SLC35F2: variants seen among roughly 807,000 people sequenced by gnomAD.
SLC35F2 encodes solute carrier family 35 member F2.
Under a neutral mutation model 38.1 loss-of-function variants are expected in SLC35F2, and 25 were observed. The ratio of observed to expected loss-of-function variants is 0.66; its 90% CI spans 0.48 to 0.92. The LOEUF (loss-of-function observed/expected upper bound fraction) is 0.92. Among genes scored for constraint, SLC35F2 ranks in the 40% least tolerant of loss-of-function variants. SLC35F2 has a pLI of 0.00. For synonymous variants in SLC35F2, 173 were observed against 181.7 expected (o/e 0.95, Z 0.38); for missense variants, 409 against 452.9 (o/e 0.90, Z 0.88).
At chr11:107,817,987 G>A (rs1360818899) in intron 1 of SLC35F2, among the ~76,000 whole-genome samples, 1 of 150,510 alleles carries the variant, frequency 6.6e-6, no homozygotes, top group Non-Finnish European at 1.5e-5. Flanking sequence ...AACCCGGGAG[G>A]CGGAGTTTGC....
intron 1 of SLC35F2, among the ~76,000 whole-genome samples, chr11:107,825,377 T>C (rs1314838175): frequency 1.4e-5 from 2 of 146,716 alleles, no homozygotes; most frequent in Non-Finnish European, 3.0e-5. Flanking sequence ...TTTTTTTTTT[T>C]TCTTTTTTTT....
intron 1 of SLC35F2, among the ~76,000 whole-genome samples, chr11:107,827,801 T>A (rs1280717700): frequency 1.3e-5 from 2 of 148,716 alleles, no homozygotes; most frequent in Non-Finnish European, 3.0e-5. Flanking sequence ...ATCCCAACTA[T>A]CCAGGAAGCT....
Position 107,791,328 on chromosome 11 carries a change from T to C in SLC35F2, c.*1287A>G, listed in dbSNP as rs1859127451. 6.6e-6 allele frequency: 1 copy of C among 152,256 alleles called. No individual in the cohort carries two copies. The highest frequency in any genetic ancestry group is 1.5e-5 in the Non-Finnish European group (1 of 68,042). 9.4% of individuals were successfully genotyped at this position (152,256 alleles called of 1,614,324 possible). On this transcript the variant is annotated 3_prime_UTR_variant, in exon 8 of 8. Coordinates refer to ENST00000525815, the MANE Select transcript of SLC35F2 (RefSeq NM_017515.5). ...TTATAAAAACAAAGCTTTTTCTTTG[T>C]TGTGATACTGTGCACTAAGACTTAG...
intron 1 of SLC35F2, among the ~76,000 whole-genome samples, chr11:107,857,198 C>T (rs994078742): frequency 1.9e-5 from 2 of 106,652 alleles, no homozygotes; most frequent in Non-Finnish European, 3.5e-5. Flanking sequence ...CGGACGGACA[C>T]GGACGGAAGG....
chr11:107,848,299 G>A lies in SLC35F2; in HGVS notation c.110+10359C>T, dbSNP rs115153779. On this transcript the variant is annotated intron_variant, in intron 1 of 7. Transcript: ENST00000525815. ...AAAAAGGAGAGAAGGGTGAGGAGAG[G>A]AGGAGGGGCAGCAGTTTGAGCTCTA... 4.0e-3 allele frequency among the ~76,000 whole-genome samples: 609 copies of A among 152,278 alleles called. 1 individual carries two copies. Among genetic ancestry groups the A allele is most frequent in the African/African-American group, 0.014 (595 of 41,552 alleles).
chr11:107,815,319 G>A (rs1859551198), intron 2 of SLC35F2, among the ~76,000 whole-genome samples: 1 of 151,460 alleles, frequency 6.6e-6, no homozygotes, highest in East Asian at 1.9e-4. Flanking sequence ...GGAGGCTGAG[G>A]TGGGCAGATC....
At chr11:107,797,000 CATTT>C (rs1859228561) in intron 7 of SLC35F2, among the ~76,000 whole-genome samples, 1 of 152,082 alleles carries the variant, frequency 6.6e-6, no homozygotes, top group Non-Finnish European at 1.5e-5. Context: ...TGGGTACAAA[CATTT>C]AGTTAGATAG....
At chr11:107,817,772 C>A (rs192612436) in intron 1 of SLC35F2, among the ~76,000 whole-genome samples, 1 of 151,980 alleles carries the variant, frequency 6.6e-6, no homozygotes, top group Non-Finnish European at 1.5e-5. Flanking sequence ...AAAAAATAAA[C>A]AATTTGCCAG....
chr11:107,834,705 G>A lies in SLC35F2; in HGVS notation c.111-18740C>T, dbSNP rs370023129. On this transcript the variant is annotated intron_variant, in intron 1 of 7. Transcript: ENST00000525815. The stretch of plus-strand genomic sequence containing the variant: ...AAACACAGGCTAGATTTCCACAGCC[G>A]TAAAAATACAGGCTAATGCGATTTC... 3.3e-3 allele frequency among the ~76,000 whole-genome samples: 506 copies of A among 152,170 alleles called. 2 individuals carry two copies. Among genetic ancestry groups the A allele is most frequent in the African/African-American group, 0.012 (483 of 41,518 alleles).
chr11:107,817,125 C>A lies in SLC35F2; in HGVS notation c.111-1160G>T, dbSNP rs573224039. On this transcript the variant is annotated intron_variant, in intron 1 of 7. Transcript: ENST00000525815. ...ACCGCGTCTCTACTAAAACTACAAA[C>A]ATTAGCGGGGTGTGGTGGCAGGCGC... 3.3e-5 allele frequency among the ~76,000 whole-genome samples: 5 copies of A among 151,740 alleles called. No homozygotes were observed. In the East Asian group the frequency reaches 9.7e-4, roughly 29 times the overall value.
At chr11:107,846,246 G>GA (rs947462910) in intron 1 of SLC35F2, among the ~76,000 whole-genome samples, 17 of 151,670 alleles carry the variant, frequency 1.1e-4, no homozygotes, top group African/African-American at 4.1e-4. Flanking sequence ...CAACCTGGGA[G>GA]AAAAAAGGCT....
intron 1 of SLC35F2, chr11:107,821,729 C>T: frequency 1.6e-6 from 1 of 629,196 alleles, no homozygotes; most frequent in Non-Finnish European, 2.0e-6. Flanking sequence ...ACTAACGGAA[C>T]CTCCACTAAA....
chr11:107,812,539 C>A (rs181802205), intron 2 of SLC35F2, among the ~76,000 whole-genome samples: 66 of 142,108 alleles, frequency 4.6e-4, no homozygotes, highest in African/African-American at 1.4e-3. Flanking sequence ...GAGGGCAGGG[C>A]GGGAGAAGAG....
intron 3 of SLC35F2, among the ~76,000 whole-genome samples, chr11:107,809,247 G>A (rs1859443894): frequency 6.6e-6 from 1 of 150,484 alleles, no homozygotes; most frequent in Non-Finnish European, 1.5e-5. Context: ...ACTATGAGAG[G>A]CCAAGGCCGG....
At chr11:107,804,000 T>A (rs1237614039) in intron 6 of SLC35F2, among the ~76,000 whole-genome samples, 1 of 151,058 alleles carries the variant, frequency 6.6e-6, no homozygotes, top group Non-Finnish European at 1.5e-5. Flanking sequence ...TAATTTTTTT[T>A]TTTTTTTTTG....
intron 1 of SLC35F2, among the ~76,000 whole-genome samples, chr11:107,836,579 A>G (rs562336231): frequency 6.2e-4 from 94 of 152,354 alleles, no homozygotes; most frequent in African/African-American, 1.9e-3. Context: ...TAACTACAGA[A>G]GGCTCAGAGA....
intron 1 of SLC35F2, among the ~76,000 whole-genome samples, chr11:107,851,565 C>T (rs1207296041): frequency 6.9e-6 from 1 of 144,134 alleles, no homozygotes; most frequent in Admixed American, 7.0e-5. Flanking sequence ...ACATATAATG[C>T]AGAGTGGAAA....
chr11:107,808,779 G>A (rs572195489), intron 3 of SLC35F2, among the ~76,000 whole-genome samples: 2 of 152,234 alleles, frequency 1.3e-5, no homozygotes, highest in East Asian at 1.9e-4. Context: ...AACATTAAAC[G>A]ATGCAAATGA....
chr11:107,800,438 T>C (rs1173182750), intron 7 of SLC35F2, among the ~76,000 whole-genome samples: 1 of 152,120 alleles, frequency 6.6e-6, no homozygotes, highest in Admixed American at 6.6e-5. Context: ...TTTGTCTGGA[T>C]ACAAAATTCT....
Sources: gnomAD v4.1 joint callset for allele counts (sites outside exome capture counted in the v4.1 genomes callset) on GRCh38, gnomAD v4.1.1 for gene constraint, MANE v1.5 for transcripts, NCBI Gene and HGNC (gene_info 2026-07-23, HGNC 2026-07-21) for gene names.